LRRC72: variants seen among roughly 807,000 people sequenced by gnomAD.
The protein encoded by LRRC72 is leucine rich repeat containing 72.
Under a neutral mutation model 35.8 loss-of-function variants are expected in LRRC72, and 41 were observed. That is an observed-to-expected ratio of 1.15 (90% CI 0.89 to 1.49). The LOEUF is 1.49. LRRC72 is among the 40% of genes most tolerant of loss of function. LRRC72 has a pLI of 0.00. For synonymous variants in LRRC72, 118 were observed against 119.2 expected (o/e 0.99, Z 0.07); for missense variants, 389 against 330.7 (o/e 1.18, Z -1.37).
At chr7:16,536,853 A>G (rs976263787) in intron 2 of LRRC72, 2 of 152,188 alleles carry the variant, frequency 1.3e-5, no homozygotes, top group Non-Finnish European at 2.9e-5. Context: ...ACAATACGTG[A>G]TCTATAAGCA....
At chr7:16,553,501 C>T (rs1782591873) in intron 3 of LRRC72, among the ~76,000 whole-genome samples, 1 of 152,164 alleles carries the variant, frequency 6.6e-6, no homozygotes, top group African/African-American at 2.4e-5. Flanking sequence ...TAGCTTAATG[C>T]CCAGCTCATA....
At chr7:16,536,625 A>G (rs1050047644) in intron 2 of LRRC72, among the ~76,000 whole-genome samples, 1 of 151,610 alleles carries the variant, frequency 6.6e-6, no homozygotes, top group African/African-American at 2.4e-5. Flanking sequence ...CAGGTTTGAC[A>G]TTTTTCAATA....
chr7:16,537,557 A>T, intron 2 of LRRC72, 70 bp from the exon 3 acceptor site: 6 of 910,454 alleles, frequency 6.6e-6, no homozygotes, highest in Non-Finnish European at 9.9e-6. Context: ...AGCCATACTA[A>T]CTACATGCCC....
intron 7 of LRRC72, among the ~76,000 whole-genome samples, chr7:16,578,646 C>A (rs113735371): frequency 1.3e-5 from 2 of 152,118 alleles, no homozygotes; most frequent in African/African-American, 4.8e-5. Context: ...AGGCTGGAAA[C>A]ATACATACAA....
intron 3 of LRRC72, among the ~76,000 whole-genome samples, chr7:16,552,142 A>G (rs1474211278): frequency 6.6e-6 from 1 of 152,228 alleles, no homozygotes; most frequent in Non-Finnish European, 1.5e-5. Flanking sequence ...CTGTTTTTTC[A>G]ACTCAGTCCC....
intron 5 of LRRC72, 52 bp from the exon 6 acceptor site, chr7:16,566,261 G>C: frequency 8.3e-7 from 1 of 1,206,826 alleles, no homozygotes; most frequent in East Asian, 2.7e-5. Flanking sequence ...TAAGTGATAA[G>C]TGAAACTGAT....
At chr7:16,534,702 TG>T (rs928652440) in intron 2 of LRRC72, among the ~76,000 whole-genome samples, 6 of 151,888 alleles carry the variant, frequency 4.0e-5, no homozygotes, top group African/African-American at 1.5e-4. Flanking sequence ...ATCCTCTGAG[TG>T]GGGCATGAGA....
chr7:16,572,784 T>A (rs958006346), intron 7 of LRRC72, among the ~76,000 whole-genome samples: 1 of 152,072 alleles, frequency 6.6e-6, no homozygotes, highest in African/African-American at 2.4e-5. Context: ...TTCAACATAG[T>A]ATTGAAAGTT....
At chr7:16,546,419 C>T (rs1323216812) in intron 3 of LRRC72, among the ~76,000 whole-genome samples, 1 of 152,014 alleles carries the variant, frequency 6.6e-6, no homozygotes, top group African/African-American at 2.4e-5. Context: ...CCATTAATGC[C>T]AGGAGATGCC....
chr7:16,550,194 G>A (rs1782524595), intron 3 of LRRC72, among the ~76,000 whole-genome samples: 1 of 152,048 alleles, frequency 6.6e-6, no homozygotes. Flanking sequence ...TCCAACCTGG[G>A]CAACAGAGTG....
At chr7:16,571,817 A>G (rs1010284220) in intron 7 of LRRC72, among the ~76,000 whole-genome samples, 1 of 152,150 alleles carries the variant, frequency 6.6e-6, no homozygotes, top group African/African-American at 2.4e-5. Context: ...TTCATACCCC[A>G]GTGGCACCTG....
chr7:16,554,279 G>T (rs987590483), intron 3 of LRRC72, among the ~76,000 whole-genome samples: 5 of 152,202 alleles, frequency 3.3e-5, no homozygotes, highest in Non-Finnish European at 7.3e-5. Flanking sequence ...GCAGTGAGCA[G>T]AGATTGCACC....
chr7:16,569,839 T>A (rs1476855729), intron 7 of LRRC72, among the ~76,000 whole-genome samples: 1 of 152,152 alleles, frequency 6.6e-6, no homozygotes, highest in South Asian at 2.1e-4. Context: ...GAGACCAGCC[T>A]GGACAACATG....
chr7:16,527,006 G>A lies in LRRC72; in HGVS notation c.54G>A (p.Arg18=). The A allele has an allele frequency of 1.3e-6, 2 of 1,539,648 alleles. No individual in the cohort carries two copies. The highest frequency in any genetic ancestry group is 2.4e-5 in the East Asian group (1 of 40,896). ...GTACCTTGCGATGCTGGCGCCTACG[G>A]AGGGCATCCGAAACTGCCCTACAGA... ...VPRTLRCWRL[R]RASETALQSS... Residue 18 remains arginine, a synonymous_variant, in exon 1 of 9, where the codon CGG becomes CGA. Coordinates refer to ENST00000401542, the MANE Select transcript of LRRC72 (RefSeq NM_001195280.2).
At chr7:16,561,125 A>G (rs1782738146) in intron 5 of LRRC72, among the ~76,000 whole-genome samples, 1 of 152,184 alleles carries the variant, frequency 6.6e-6, no homozygotes, top group Admixed American at 6.5e-5. Flanking sequence ...ATAAATGTTT[A>G]TCACACATTC....
intron 1 of LRRC72, among the ~76,000 whole-genome samples, chr7:16,528,429 G>C (rs1782110072): frequency 6.6e-6 from 1 of 151,948 alleles, no homozygotes; most frequent in African/African-American, 2.4e-5. Context: ...GCATTTCTCA[G>C]CTGCATCTGT....
intron 2 of LRRC72, among the ~76,000 whole-genome samples, chr7:16,535,577 A>T (rs1428105215): frequency 6.6e-6 from 1 of 152,228 alleles, no homozygotes; most frequent in Non-Finnish European, 1.5e-5. Flanking sequence ...TACACACATG[A>T]TCTCAGATAT....
chr7:16,554,047 G>A (rs34000560), intron 3 of LRRC72, among the ~76,000 whole-genome samples: 27,364 of 152,128 alleles, frequency 0.18, 2,743 homozygotes, highest in South Asian at 0.24. Context: ...AACATTTTAC[G>A]GCCAGGTGCG....
intron 5 of LRRC72, among the ~76,000 whole-genome samples, chr7:16,565,336 A>G (rs1782810088): frequency 6.6e-6 from 1 of 151,908 alleles, no homozygotes. Flanking sequence ...AGGAGGCTGA[A>G]TCAGGACAAT....
Sources: allele counts gnomAD v4.1 joint callset (sites outside exome capture counted in the v4.1 genomes callset), GRCh38; gene constraint gnomAD v4.1.1; transcripts MANE v1.5; gene names NCBI Gene and HGNC (gene_info 2026-07-23, HGNC 2026-07-21).